MACF1: variants seen among roughly 807,000 people sequenced by gnomAD.
MACF1 encodes microtubule-actin cross-linking factor 1.
Under a neutral mutation model 854.8 loss-of-function variants are expected in MACF1, and 193 were observed. That is an observed-to-expected ratio of 0.23 (90% CI 0.20 to 0.25). The LOEUF is 0.25. Ranked by LOEUF, MACF1 falls within the 10% of genes least tolerant of loss-of-function variation. The pLI, the probability that MACF1 is intolerant of heterozygous loss-of-function variation, is 1.00. For synonymous variants in MACF1, 3,185 were observed against 3,226.7 expected (o/e 0.99, Z 0.44); for missense variants, 7,722 against 8,929.1 (o/e 0.86, Z 5.45).
Position 39,333,526 on chromosome 1 carries a change from C to T in MACF1, c.6938C>T (p.Ser2313Phe). 6.2e-7 allele frequency: 1 copy of T among 1,614,142 alleles called. No individual in the cohort carries two copies. Among genetic ancestry groups the T allele is most frequent in the Non-Finnish European group, 8.5e-7 (1 of 1,180,016 alleles). ...GQKLLLNEAI[S>F]RGIVPSHTAV... The stretch of plus-strand genomic sequence containing the variant: ...AAGCTCTTACTAAATGAAGCAATAT[C>T]CCGAGGCATTGTGCCAAGTCACACT... The change falls in exon 37 of 101, where the codon TCC becomes TTC. Residue 2313 changes from serine (S) to phenylalanine (F), a missense_variant. Transcript: ENST00000564288.
chr1:39,229,699 T>C (rs1477985559), intron 1 of MACF1, among the ~76,000 whole-genome samples: 1 of 152,158 alleles, frequency 6.6e-6, no homozygotes. Context: ...TTGAATTGCA[T>C]AACCATGTTG....
At chr1:39,279,088 G>T (rs560758430) in intron 6 of MACF1, among the ~76,000 whole-genome samples, 1 of 152,336 alleles carries the variant, frequency 6.6e-6, no homozygotes, top group South Asian at 2.1e-4. Context: ...TCAGAGCAGA[G>T]AGGTGGTGAG....
chr1:39,304,564 T>TA, intron 23 of MACF1: 1 of 930,032 alleles, frequency 1.1e-6, no homozygotes, highest in Non-Finnish European at 1.6e-6. Flanking sequence ...TTCTTTTCTT[T>TA]CTTTTTTTTT....
intron 2 of MACF1, among the ~76,000 whole-genome samples, chr1:39,194,673 TCTCCCCTCCC>T (rs1004084228): frequency 6.0e-4 from 88 of 147,134 alleles, no homozygotes; most frequent in African/African-American, 1.6e-3. Context: ...CCTGCCTTCC[TCTCCCCTCCC>T]CTCCCCTCCC....
intron 2 of MACF1, among the ~76,000 whole-genome samples, chr1:39,112,087 CTT>C (rs569400137): frequency 1.6e-4 from 21 of 133,554 alleles, no homozygotes; most frequent in Non-Finnish European, 1.3e-4. Flanking sequence ...TTATTCAAAT[CTT>C]TTTTTTTTTT....
At position 39,349,491 on chromosome 1, in the gene MACF1, A is replaced by C; in HGVS notation, c.10829A>C (p.Gln3610Pro). The C allele has an allele frequency of 1.2e-6, 2 of 1,613,326 alleles. No individual in the cohort carries two copies. The highest frequency in any genetic ancestry group is 1.7e-6 in the Non-Finnish European group (2 of 1,179,738). Residue 3610 changes from glutamine (Q) to proline (P), a missense_variant, in exon 42 of 101, where the codon CAA becomes CCA. By Grantham distance (76) the Gln-to-Pro change is moderately conservative (BLOSUM62 -1). Coordinates refer to ENST00000564288, the MANE Select transcript of MACF1 (RefSeq NM_001394062.1). ...CATTTTAATTAGACCCTGCAGAAAC[A>C]ACAAAATACCTGTCACCAGCAACTG... ...QEALVKTLQKQQNTCHQQLED... is the reference protein window; with the variant it reads ...QEALVKTLQKPQNTCHQQLED...
chr1:39,160,172 C>T (rs1468742396), intron 2 of MACF1, among the ~76,000 whole-genome samples: 1 of 152,052 alleles, frequency 6.6e-6, no homozygotes, highest in African/African-American at 2.4e-5. Flanking sequence ...AAAAAATTAG[C>T]TGGGCATGGT....
In MACF1 at chr1:39,368,234, G is replaced by T; in HGVS notation, c.12858G>T (p.Ala4286=). ...LVTELSSCGF[A]LDLCQHQDRV... The stretch of plus-strand genomic sequence containing the variant: ...CTGAACTGAGCTCTTGTGGCTTTGC[G>T]CTGGACTTGTGCCAGCATCAGGACA... The change falls in exon 50 of 101, where the codon GCG becomes GCT. Residue 4286 remains alanine (A), a synonymous_variant. Coordinates refer to ENST00000564288, the MANE Select transcript of MACF1 (RefSeq NM_001394062.1). 6.2e-7 allele frequency: 1 copy of T among 1,614,082 alleles called. No individual in the cohort carries two copies. Among genetic ancestry groups the T allele is most frequent in the Non-Finnish European group, 8.5e-7 (1 of 1,179,982 alleles).
intron 23 of MACF1, among the ~76,000 whole-genome samples, chr1:39,306,117 T>C (rs1195191464): frequency 6.6e-6 from 1 of 152,062 alleles, no homozygotes; most frequent in East Asian, 1.9e-4. Context: ...AGTAGGTGAG[T>C]GAATATATTT....
At chr1:39,193,840 C>CT (rs1644285267) in intron 2 of MACF1, among the ~76,000 whole-genome samples, 2 of 151,612 alleles carry the variant, frequency 1.3e-5, no homozygotes, top group African/African-American at 4.8e-5. Context: ...AGTGAGTTTT[C>CT]TTTTTTCTTT....
chr1:39,436,596 T>G (rs1643982768), intron 70 of MACF1: 4 of 1,055,532 alleles, frequency 3.8e-6, no homozygotes, highest in Admixed American at 1.8e-5. Context: ...TAAATTTAAT[T>G]AGTGCAGTTT....
chr1:39,279,436 A>G (rs1330262823), intron 6 of MACF1, among the ~76,000 whole-genome samples: 2 of 152,012 alleles, frequency 1.3e-5, no homozygotes, highest in Non-Finnish European at 2.9e-5. Context: ...TCTGATATTT[A>G]ATCTCATCTA....
chr1:39,272,738 A>G (rs760038530), intron 6 of MACF1, among the ~76,000 whole-genome samples: 61 of 152,154 alleles, frequency 4.0e-4, no homozygotes, highest in Admixed American at 6.5e-4. Flanking sequence ...TAGGGTTTAG[A>G]TAGTAGAATA....
At chr1:39,342,275 A>G (rs943207388) in intron 40 of MACF1, among the ~76,000 whole-genome samples, 3 of 152,054 alleles carry the variant, frequency 2.0e-5, no homozygotes, top group Non-Finnish European at 4.4e-5. Flanking sequence ...TGTGGTGTCC[A>G]CATTTTCTTT....
chr1:39,269,499 C>T (rs1645276386), intron 6 of MACF1: 1 of 1,289,816 alleles, frequency 7.8e-7, no homozygotes, highest in Non-Finnish European at 1.0e-6. Context: ...TCAAGTGCCC[C>T]CCCAGGATTC....
At chr1:39,429,458 C>T (rs1263891852) in intron 64 of MACF1, 132 bp downstream of exon 64, 7 of 615,312 alleles carry the variant, frequency 1.1e-5, no homozygotes, top group East Asian at 1.1e-4. Context: ...GATTGTATTC[C>T]CTACTGTGCT....
At chr1:39,341,654 C>T (rs375873662) in intron 40 of MACF1, among the ~76,000 whole-genome samples, 15 of 151,790 alleles carry the variant, frequency 9.9e-5, no homozygotes, top group Admixed American at 2.6e-4. Flanking sequence ...GCCAAGACCG[C>T]GCCATTGCAC....
At chr1:39,191,503 T>G (rs115919773) in intron 2 of MACF1, among the ~76,000 whole-genome samples, 1 of 152,322 alleles carries the variant, frequency 6.6e-6, no homozygotes, top group African/African-American at 2.4e-5. Flanking sequence ...CAGTCACTAA[T>G]CAAAAAAACA....
At chr1:39,384,640 T>A (rs1650528847) in intron 56 of MACF1, among the ~76,000 whole-genome samples, 1 of 152,214 alleles carries the variant, frequency 6.6e-6, no homozygotes, top group Non-Finnish European at 1.5e-5. Context: ...AAAGAAGCTC[T>A]TTGTCTAATT....
Sources: gnomAD v4.1 joint callset for allele counts (sites outside exome capture counted in the v4.1 genomes callset) on GRCh38, gnomAD v4.1.1 for gene constraint, MANE v1.5 for transcripts, NCBI Gene and HGNC (gene_info 2026-07-23, HGNC 2026-07-21) for gene names.